The following EPB41L3 variants were observed in gnomAD, a reference collection of about 807,000 sequenced individuals.
The protein encoded by EPB41L3 is band 4.1-like protein 3.
In EPB41L3, 57 loss-of-function variants were observed where a neutral mutation model predicts 127.1. That is an observed-to-expected ratio of 0.45 (90% confidence interval 0.36 to 0.56). The LOEUF (loss-of-function observed/expected upper bound fraction) is 0.56, where lower values mean the gene tolerates loss of function less well. Among genes scored for constraint, EPB41L3 ranks in the 20% least tolerant of loss-of-function variants. The pLI is 0.00. For missense variants in EPB41L3, 1,273 were observed against 1,372.2 expected (o/e 0.93, Z 1.14); for synonymous variants, 572 against 549.5 (o/e 1.04, Z -0.57).
chr18:5,571,163 G>C (rs1047369194), intron 3 of EPB41L3, among the ~76,000 whole-genome samples: 1 of 152,146 alleles, frequency 6.6e-6, no homozygotes, highest in African/African-American at 2.4e-5. Context: ...GAACACATTT[G>C]AAAGCATTCC....
chr18:5,567,540 C>T (rs1021215611), intron 3 of EPB41L3: 2 of 150,676 alleles, frequency 1.3e-5, no homozygotes, highest in Admixed American at 6.6e-5. Flanking sequence ...GTTTGTACCT[C>T]GAGTTTATTT....
intron 14 of EPB41L3, among the ~76,000 whole-genome samples, chr18:5,410,003 C>CTA (rs1311508181): frequency 6.6e-6 from 1 of 151,940 alleles, no homozygotes; most frequent in African/African-American, 2.4e-5. Context: ...AAAGTACTAA[C>CTA]AGTAATTTAA....
chr18:5,453,064 A>G (rs2082512753), intron 3 of EPB41L3, among the ~76,000 whole-genome samples: 2 of 152,200 alleles, frequency 1.3e-5, no homozygotes, highest in Admixed American at 6.5e-5. Flanking sequence ...TCCATTCCTG[A>G]ATCCCTATAA....
chr18:5,423,617 A>G lies in EPB41L3; in HGVS notation c.1164-64T>C, dbSNP rs573672830. On this transcript the variant is annotated intron_variant, in intron 10 of 22. Transcript: ENST00000341928. ...GTCCAATATTGAGAGTGCTTTTTAA[A>G]CTTTTTACTCTGAGAGGTCATGTGT... The G allele has an allele frequency of 5.8e-5, 84 of 1,448,758 alleles. 3 individuals are homozygous for G. In the South Asian group the frequency reaches 1.2e-3, roughly 20 times the overall value. 89.7% of individuals were successfully genotyped at this position (1,448,758 alleles called of 1,614,324 possible).
intron 3 of EPB41L3, among the ~76,000 whole-genome samples, chr18:5,569,711 T>C (rs1599032340): frequency 1.3e-5 from 2 of 152,184 alleles, no homozygotes; most frequent in East Asian, 3.8e-4. Flanking sequence ...TGGGTAGTGG[T>C]TTTTCCGGCA....
At chr18:5,600,497 AAG>A (rs1385929880) in intron 3 of EPB41L3, among the ~76,000 whole-genome samples, 1 of 152,192 alleles carries the variant, frequency 6.6e-6, no homozygotes. Context: ...ATCATAAAAA[AAG>A]AGTATATTCA....
At chr18:5,548,409 A>C (rs995176245), upstream of EPB41L3, among the ~76,000 whole-genome samples, 1 of 152,216 alleles carries the variant, frequency 6.6e-6, no homozygotes, top group Non-Finnish European at 1.5e-5. Context: ...TAAAGTATTG[A>C]TAAGTATAAA....
intron 1 of EPB41L3, among the ~76,000 whole-genome samples, chr18:5,530,833 A>G (rs1489715441): frequency 1.3e-5 from 2 of 152,136 alleles, no homozygotes; most frequent in African/African-American, 2.4e-5. Context: ...AGCACTTGGG[A>G]GGCAACAATT....
chr18:5,447,090 G>A (rs2081577643), intron 3 of EPB41L3, among the ~76,000 whole-genome samples: 1 of 152,154 alleles, frequency 6.6e-6, no homozygotes, highest in Admixed American at 6.5e-5. Flanking sequence ...GATGACCTGG[G>A]AAGTAGCTTT....
At chr18:5,464,661 CA>C (rs2084639156) in intron 3 of EPB41L3, among the ~76,000 whole-genome samples, 1 of 151,812 alleles carries the variant, frequency 6.6e-6, no homozygotes, top group Admixed American at 6.6e-5. Flanking sequence ...TGATAGGAGA[CA>C]AAAAAGAACC....
At chr18:5,441,619 C>A (rs1216189444) in intron 5 of EPB41L3, among the ~76,000 whole-genome samples, 3 of 152,130 alleles carry the variant, frequency 2.0e-5, no homozygotes, top group Admixed American at 1.3e-4. Context: ...GCGCACGCCA[C>A]CATGCCCGGC....
chr18:5,582,369 T>A (rs1020287797), intron 3 of EPB41L3, among the ~76,000 whole-genome samples: 5 of 151,836 alleles, frequency 3.3e-5, no homozygotes, highest in Non-Finnish European at 7.4e-5. Flanking sequence ...GGAAAGAAGA[T>A]GGGGTGGGGG....
At chr18:5,428,493 A>G in intron 8 of EPB41L3, 28 bp from the exon 9 acceptor site, 2 of 1,613,294 alleles carry the variant, frequency 1.2e-6, no homozygotes, top group Non-Finnish European at 8.5e-7. Context: ...GAAACAACAG[A>G]TCAGTATCTA....
At chr18:5,505,852 A>C (rs1598418817) in intron 1 of EPB41L3, among the ~76,000 whole-genome samples, 1 of 97,092 alleles carries the variant, frequency 1.0e-5, no homozygotes, top group African/African-American at 4.1e-5. Flanking sequence ...CCACACCTTC[A>C]CCTCCACCCC....
chr18:5,464,357 T>C (rs545344723), intron 3 of EPB41L3, among the ~76,000 whole-genome samples: 2 of 152,260 alleles, frequency 1.3e-5, no homozygotes, highest in African/African-American at 4.8e-5. Flanking sequence ...GAATCTTTAC[T>C]CCTAAGAAGG....
chr18:5,534,754 A>T (rs935394818), intron 1 of EPB41L3, among the ~76,000 whole-genome samples: 5 of 152,196 alleles, frequency 3.3e-5, no homozygotes, highest in African/African-American at 1.2e-4. Context: ...GAAAACATGT[A>T]CTATGTGTAT....
At chr18:5,626,014 C>T (rs2144322545) in intron 1 of EPB41L3, among the ~76,000 whole-genome samples, 1 of 151,904 alleles carries the variant, frequency 6.6e-6, no homozygotes. Context: ...ACTGAAATCG[C>T]ACCCAATCAG....
chr18:5,513,635 A>G (rs1329150756), intron 1 of EPB41L3, among the ~76,000 whole-genome samples: 1 of 152,220 alleles, frequency 6.6e-6, no homozygotes, highest in Non-Finnish European at 1.5e-5. Flanking sequence ...TTGGGTAAGT[A>G]ACTTAACTTT....
At chr18:5,546,360 G>A (rs777948893), upstream of EPB41L3, among the ~76,000 whole-genome samples, 3 of 152,020 alleles carry the variant, frequency 2.0e-5, no homozygotes, top group Non-Finnish European at 2.9e-5. Context: ...GTGAAACCCC[G>A]TCTCTACTAA....
Sources: allele counts gnomAD v4.1 joint callset (sites outside exome capture counted in the v4.1 genomes callset), GRCh38; gene constraint gnomAD v4.1.1; transcripts MANE v1.5; gene names NCBI Gene and HGNC (gene_info 2026-07-23, HGNC 2026-07-21).